Variants in CERKL observed in about 807,000 individuals in gnomAD.
CERKL encodes the protein CERK like autophagy regulator, also known as ceramide kinase-like protein.
CERKL carries 61 observed loss-of-function variants against 63.4 expected under a neutral mutation model. The ratio of observed to expected loss-of-function variants is 0.96; its 90% CI spans 0.78 to 1.19. The LOEUF (loss-of-function observed/expected upper bound fraction) is 1.19, where lower values mean the gene tolerates loss of function less well. Ranked by LOEUF, CERKL falls within the 50% of genes most tolerant of loss-of-function variation. The pLI, the probability that CERKL is intolerant of heterozygous loss-of-function variation, is 0.00. For missense variants in CERKL, 675 were observed against 655.5 expected, an observed-to-expected ratio of 1.03 and a Z score of -0.33; for synonymous variants, 250 against 230.5, an observed-to-expected ratio of 1.08 and a Z score of -0.77.
chr2:181,618,737 A>G (rs1016631864), intron 1 of CERKL, among the ~76,000 whole-genome samples: 2 of 152,144 alleles, frequency 1.3e-5, no homozygotes, highest in African/African-American at 4.8e-5. Context: ...AATAGTAAAT[A>G]TTTTTAATGT....
intron 2 of CERKL, among the ~76,000 whole-genome samples, chr2:181,594,856 C>T (rs1165483076): frequency 3.3e-5 from 5 of 152,142 alleles, no homozygotes; most frequent in Non-Finnish European, 7.4e-5. Context: ...TATATTCATA[C>T]ACAATTATAA....
At chr2:181,630,522 G>A (rs1281697138) in intron 1 of CERKL, among the ~76,000 whole-genome samples, 1 of 152,146 alleles carries the variant, frequency 6.6e-6, no homozygotes, top group Non-Finnish European at 1.5e-5. Flanking sequence ...ATAGCATAGG[G>A]TCCTAATCCA....
chr2:181,551,994 G>C (rs1688006835), intron 5 of CERKL, among the ~76,000 whole-genome samples: 1 of 152,046 alleles, frequency 6.6e-6, no homozygotes, highest in African/African-American at 2.4e-5. Context: ...GCATTAAAGA[G>C]GTCCTGTCAT....
chr2:181,627,294 T>C (rs1474803269), intron 1 of CERKL, among the ~76,000 whole-genome samples: 1 of 152,074 alleles, frequency 6.6e-6, no homozygotes, highest in African/African-American at 2.4e-5. Context: ...TAAAGCAAAC[T>C]AGGAAACCCT....
chr2:181,600,114 A>T (rs1473848816), intron 2 of CERKL, among the ~76,000 whole-genome samples: 2 of 152,212 alleles, frequency 1.3e-5, no homozygotes, highest in African/African-American at 4.8e-5. Flanking sequence ...TAAGCTTCAT[A>T]AATGAAGGAG....
chr2:181,542,145 G>A (rs568821037), intron 11 of CERKL, among the ~76,000 whole-genome samples: 4 of 152,178 alleles, frequency 2.6e-5, no homozygotes, highest in Non-Finnish European at 5.9e-5. Context: ...CAATGAAAGA[G>A]AAAAGTGTGG....
intron 3 of CERKL, 111 bp from the exon 4 acceptor site, chr2:181,566,232 C>G: frequency 3.8e-6 from 3 of 798,676 alleles, no homozygotes; most frequent in Non-Finnish European, 6.6e-6. Flanking sequence ...AGTCATAAAA[C>G]AGCATTTATT....
At chr2:181,600,386 T>C (rs536337465) in intron 2 of CERKL, among the ~76,000 whole-genome samples, 16 of 152,166 alleles carry the variant, frequency 1.1e-4, no homozygotes, top group African/African-American at 3.6e-4. Flanking sequence ...AGAACATAAA[T>C]GGCCTAAATG....
intron 2 of CERKL, among the ~76,000 whole-genome samples, chr2:181,574,106 A>T (rs1689023156): frequency 6.6e-6 from 1 of 152,226 alleles, no homozygotes; most frequent in Non-Finnish European, 1.5e-5. Flanking sequence ...ATCATGAGTT[A>T]GAACAATATA....
chr2:181,562,555 T>C (rs1054754510), intron 4 of CERKL, among the ~76,000 whole-genome samples: 1 of 152,336 alleles, frequency 6.6e-6, no homozygotes, highest in Admixed American at 6.5e-5. Flanking sequence ...CAATCATTTA[T>C]AGTGAGTTAA....
In CERKL at chr2:181,604,674, G is replaced by T. The variant is rs1685604390; in HGVS notation, c.239-595C>A. Among the ~76,000 whole-genome samples the T allele has an allele frequency of 2.6e-5, 4 of 152,094 alleles. No individual in the cohort carries two copies. The South Asian group carries it at 8.3e-4, about 32-fold the overall frequency. ...ATAGAGTAAAGTAACAGAAAAAATA[G>T]AATTCACTAACAGAAGTGACTTTAT... On this transcript the variant is annotated intron_variant, in intron 1 of 12. Coordinates refer to ENST00000410087, the MANE Select transcript of CERKL (RefSeq NM_201548.5).
At chr2:181,589,239 C>T (rs977958662) in intron 2 of CERKL, among the ~76,000 whole-genome samples, 1 of 152,136 alleles carries the variant, frequency 6.6e-6, no homozygotes, top group African/African-American at 2.4e-5. Context: ...TGCCCATTTG[C>T]CCAATTGTAT....
chr2:181,630,438 T>G (rs1408795201), intron 1 of CERKL, among the ~76,000 whole-genome samples: 1 of 152,148 alleles, frequency 6.6e-6, no homozygotes, highest in Non-Finnish European at 1.5e-5. Context: ...CTAAAATATG[T>G]TTAAGCCCTA....
At chr2:181,604,651 A>G (rs1480995120) in intron 1 of CERKL, among the ~76,000 whole-genome samples, 11 of 152,350 alleles carry the variant, frequency 7.2e-5, no homozygotes. Context: ...TACTAAGGAT[A>G]GAGTAAAGTA....
At position 181,548,717 on chromosome 2, in the gene CERKL, T is replaced by TC; in HGVS notation, c.1035dup (p.Arg346GlufsTer7). 6.2e-7 allele frequency: 1 copy of TC among 1,614,036 alleles called. No homozygotes were observed. Among genetic ancestry groups the TC allele is most frequent in the South Asian group, 1.1e-5 (1 of 91,088 alleles). ...AGTGCCTTAACAACAGCAAAATCTC[T>TC]CCGTTGGTTAGGGGACATCCATCGA... is the stretch of plus-strand genomic sequence containing the variant. On this transcript the variant is annotated frameshift_variant, in exon 7 of 13. Coordinates refer to ENST00000410087, the MANE Select transcript of CERKL (RefSeq NM_201548.5). LOFTEE classifies it high-confidence loss of function.
intron 2 of CERKL, among the ~76,000 whole-genome samples, chr2:181,579,005 G>A (rs961715931): frequency 1.3e-5 from 2 of 152,000 alleles, no homozygotes; most frequent in Non-Finnish European, 2.9e-5. Context: ...AGAAACAGCA[G>A]AGTTGCGACC....
chr2:181,648,318 G>C (rs1687751962), intron 1 of CERKL, among the ~76,000 whole-genome samples: 1 of 152,024 alleles, frequency 6.6e-6, no homozygotes, highest in East Asian at 1.9e-4. Flanking sequence ...ATCCTAATTA[G>C]ACTATCAGTA....
intron 2 of CERKL, among the ~76,000 whole-genome samples, chr2:181,583,038 G>T (rs998684812): frequency 2.6e-5 from 4 of 151,906 alleles, no homozygotes; most frequent in African/African-American, 9.7e-5. Context: ...ATTAAAAATT[G>T]CTTAATTAGT....
At chr2:181,540,713 C>T (rs886935987) in intron 11 of CERKL, among the ~76,000 whole-genome samples, 2 of 152,182 alleles carry the variant, frequency 1.3e-5, no homozygotes, top group Admixed American at 6.6e-5. Flanking sequence ...TGTGAAGCCA[C>T]AGACGCTGTT....
Sources: allele counts gnomAD v4.1 joint callset (sites outside exome capture counted in the v4.1 genomes callset), GRCh38; gene constraint gnomAD v4.1.1; transcripts MANE v1.5; gene names NCBI Gene and HGNC (gene_info 2026-07-23, HGNC 2026-07-21).